The following SMC4 variants were observed in gnomAD, a reference collection of about 807,000 sequenced individuals.
SMC4 encodes the protein structural maintenance of chromosomes protein 4.
In SMC4, 87 loss-of-function variants were observed where a neutral mutation model predicts 145.6. The ratio of observed to expected loss-of-function variants is 0.60; its 90% CI spans 0.50 to 0.71. The LOEUF is 0.71. Ranked by LOEUF, SMC4 falls within the 30% of genes least tolerant of loss-of-function variation. The pLI is 0.00. For synonymous variants in SMC4, 558 were observed against 500.7 expected, an observed-to-expected ratio of 1.11 and a Z score of -1.53; for missense variants, 1,447 against 1,537.1, an observed-to-expected ratio of 0.94 and a Z score of 0.98.
chr3:160,406,500 A>C (rs1358604048), intron 5 of SMC4, among the ~76,000 whole-genome samples: 1 of 152,118 alleles, frequency 6.6e-6, no homozygotes, highest in Non-Finnish European at 1.5e-5. Flanking sequence ...CTTCTCTCCT[A>C]CTGAATAACA....
Position 160,428,941 on chromosome 3 carries a change from A to C in SMC4, c.2794A>C (p.Arg932=). The change falls in exon 18 of 24, where the codon AGA becomes CGA. Residue 932 remains arginine, a splice_region_variant and synonymous_variant. Coordinates refer to ENST00000357388, the MANE Select transcript of SMC4 (RefSeq NM_001002800.3). Reference sequence around the variant, plus strand: ...CCAAGTAGCAATCAAGACTGCTGACAGGTAGAGTATGCATGTTACCCTAAC... The same window carrying C: ...CCAAGTAGCAATCAAGACTGCTGACCGGTAGAGTATGCATGTTACCCTAAC... ...KAQVAIKTAD[R]NLQKAQDSVL... 1.3e-6 allele frequency: 2 copies of C among 1,582,504 alleles called. No individual in the cohort carries two copies. Among genetic ancestry groups the C allele is most frequent in the South Asian group, 1.2e-5 (1 of 85,256 alleles).
intron 2 of SMC4, among the ~76,000 whole-genome samples, 189 bp downstream of exon 2, chr3:160,401,154 CGGCGCTGGAAGGGATGG>C (rs1714585464): frequency 6.6e-6 from 1 of 151,932 alleles, no homozygotes; most frequent in Non-Finnish European, 1.5e-5. Flanking sequence ...TTTGGTGTAA[CGGCGCTGGAAGGGATGG>C]GGGCGAGCAA....
At chr3:160,430,525 G>T in intron 18 of SMC4, 74 bp from the exon 19 acceptor site, 1 of 1,265,962 alleles carries the variant, frequency 7.9e-7, no homozygotes, top group Non-Finnish European at 1.1e-6. Context: ...TTCATGAAAA[G>T]TTCTTTAGTA....
At position 160,419,483 on chromosome 3, in the gene SMC4, C is replaced by T. The variant is rs1351586233; in HGVS notation, c.1797C>T (p.Val599=). The part of the protein sequence containing the change: ...SLAMNRSRGK[V]LDAIIQEKKS... ...CAATGAATCGAAGTAGGGGGAAAGTCCTTGATGCAATAATTCAAGAAAAAA... is the reference window on the plus strand; with the variant it reads ...CAATGAATCGAAGTAGGGGGAAAGTTCTTGATGCAATAATTCAAGAAAAAA... Residue 599 remains valine (V), a synonymous_variant, in exon 12 of 24, where the codon GTC becomes GTT. Coordinates refer to ENST00000357388, the MANE Select transcript of SMC4 (RefSeq NM_001002800.3). 1 of 1,607,540 alleles carries T rather than the reference C, an allele frequency of 6.2e-7. No homozygotes were observed. Among genetic ancestry groups the T allele is most frequent in the Non-Finnish European group, 8.5e-7 (1 of 1,178,500 alleles).
intron 20 of SMC4, among the ~76,000 whole-genome samples, 186 bp from the exon 21 acceptor site, chr3:160,431,457 A>G (rs976119449): frequency 2.6e-5 from 4 of 152,202 alleles, no homozygotes; most frequent in African/African-American, 9.6e-5. Context: ...GACATTTAAG[A>G]AAAGATTACA....
chr3:160,432,553 C>T, intron 22 of SMC4, 38 bp downstream of exon 22: 3 of 1,260,226 alleles, frequency 2.4e-6, no homozygotes, highest in East Asian at 4.9e-5. Flanking sequence ...CCACTGTTAC[C>T]TTTTTCTACA....
Position 160,426,131 on chromosome 3 carries a change from G to GTACTT in SMC4, c.2537_2541dup (p.Ala848TyrfsTer14), listed in dbSNP as rs1193760794. On this transcript the variant is annotated frameshift_variant, in exon 17 of 24. Coordinates refer to ENST00000357388, the MANE Select transcript of SMC4 (RefSeq NM_001002800.3). LOFTEE classifies it high-confidence loss of function. ...CCAAGTTAAGGAACTTGAAGCTAATGTACTTGCTACAGCCCCTGACAAAAA... is the reference window on the plus strand; with the variant it reads ...CCAAGTTAAGGAACTTGAAGCTAATGTACTTTACTTGCTACAGCCCCTGACAAAAA... 6.2e-7 allele frequency: 1 copy of GTACTT among 1,607,874 alleles called. No individual in the cohort carries two copies. The highest frequency in any genetic ancestry group is 1.3e-5 in the African/African-American group (1 of 74,660).
chr3:160,402,769 A>C lies in SMC4; in HGVS notation c.412A>C (p.Arg138=). Residue 138 remains arginine, a synonymous_variant, in exon 4 of 24, where the codon AGA becomes CGA. Transcript: ENST00000357388. ...FVFGYRAQKI[R]SKKLSVLIHN... ...GTTTGGCTATCGAGCACAAAAAATA[A>C]GATCTAAAAAACTCTCAGTATTAAT... 1 of 1,612,514 alleles carries C rather than the reference A, an allele frequency of 6.2e-7. No homozygotes were observed. Among genetic ancestry groups the C allele is most frequent in the Non-Finnish European group, 8.5e-7 (1 of 1,179,698 alleles).
chr3:160,419,631 G>C (rs1166547323), intron 12 of SMC4, 88 bp downstream of exon 12: 1 of 1,172,988 alleles, frequency 8.5e-7, no homozygotes, highest in African/African-American at 1.6e-5. Context: ...CATATTTCAA[G>C]TGTCACTGTA....
chr3:160,427,965 G>A lies in SMC4; in HGVS notation c.2606-788G>A, dbSNP rs188440651. Among the ~76,000 whole-genome samples, 85 of 151,962 alleles carry A rather than the reference G, an allele frequency of 5.6e-4. No individual in the cohort carries two copies. In the East Asian group the frequency reaches 7.2e-3, roughly 13 times the overall value. On this transcript the variant is annotated intron_variant, in intron 17 of 23. Transcript: ENST00000357388. ...CGCACACACACAAACACACACACAC[G>A]CCGGGTGTGGTGGCACATGCTTATA...
chr3:160,428,954 A>T lies in SMC4; in HGVS notation c.2795+12A>T. The T allele has an allele frequency of 6.4e-7, 1 of 1,557,026 alleles. No individual in the cohort carries two copies. The stretch of plus-strand genomic sequence containing the variant: ...AAGACTGCTGACAGGTAGAGTATGC[A>T]TGTTACCCTAACTTGTTTTCCCTTT... On this transcript the variant is annotated intron_variant, in intron 18 of 23. Coordinates refer to ENST00000357388, the MANE Select transcript of SMC4 (RefSeq NM_001002800.3).
intron 13 of SMC4, 65 bp from the exon 14 acceptor site, chr3:160,423,349 GTTTTTTTTTGT>G (rs952468142): frequency 1.1e-5 from 9 of 812,586 alleles, no homozygotes; most frequent in Admixed American, 8.9e-5. Flanking sequence ...ATTCCTATGG[GTTTTTTTTTGT>G]TTTTTTTTTT....
At chr3:160,402,550 G>A in intron 3 of SMC4, 126 bp from the exon 4 acceptor site, 2 of 929,918 alleles carry the variant, frequency 2.2e-6, no homozygotes, top group Non-Finnish European at 3.2e-6. Context: ...GATTAGCAAT[G>A]AGAACTTTTA....
Position 160,402,013 on chromosome 3 carries a change from C to T in SMC4, c.238C>T (p.Pro80Ser). The T allele has an allele frequency of 3.1e-6, 5 of 1,601,518 alleles. No individual in the cohort carries two copies. Among genetic ancestry groups the T allele is most frequent in the African/African-American group, 1.3e-5 (1 of 74,106 alleles). ...AGCAATGACCAATGAAGCTGGAGCTCCTCGGCTTATGATAACTCATATTGT... is the reference window on the plus strand; with the variant it reads ...AGCAATGACCAATGAAGCTGGAGCTTCTCGGCTTATGATAACTCATATTGT... ...PPAMTNEAGA[P>S]RLMITHIVNQ... Residue 80 changes from proline (P) to serine (S), a missense_variant, in exon 3 of 24, where the codon CCT (proline) becomes TCT (serine). By Grantham distance (74) the Pro-to-Ser change is moderately conservative. Transcript: ENST00000357388.
chr3:160,427,741 A>G (rs1314993039), intron 17 of SMC4, among the ~76,000 whole-genome samples: 1 of 152,202 alleles, frequency 6.6e-6, no homozygotes, highest in Admixed American at 6.5e-5. Flanking sequence ...ATATTTTTAA[A>G]TAAAGGCTAC....
At position 160,425,022 on chromosome 3, in the gene SMC4, A is replaced by ATGTGGGTGTG; in HGVS notation, c.2478+7_2478+8insGGTGTGTGTG. ...AAAAATTTACTGCAAGCATCCAGGT[A>ATGTGGGTGTG]TGTGTGTGTGTGTGTGTGTGTGTGT... is the stretch of plus-strand genomic sequence containing the variant. On this transcript the variant is annotated splice_donor_region_variant and intron_variant, in intron 16 of 23. Transcript: ENST00000357388. 6.8e-7 allele frequency: 1 copy of ATGTGGGTGTG among 1,468,122 alleles called. No homozygotes were observed. The highest frequency in any genetic ancestry group is 9.2e-7 in the Non-Finnish European group (1 of 1,090,112). 90.9% of individuals were successfully genotyped at this position (1,468,122 alleles called of 1,614,324 possible). A position where few individuals can be genotyped will look rare whatever the true frequency, so the allele number is the denominator to read the frequency against.
Position 160,420,952 on chromosome 3 carries a change from C to T in SMC4, c.2019+51C>T, listed in dbSNP as rs758100451. 68 of 1,444,420 alleles carry T rather than the reference C, an allele frequency of 4.7e-5. No homozygotes were observed. In the Admixed American group the frequency reaches 6.7e-4, roughly 14 times the overall value. The allele number at this position is 1,444,420 out of a possible 1,614,324, so 89.5% of individuals were successfully genotyped here. Reference sequence around the variant, plus strand: ...TAATTGGAATTTTTTTTTTTTGAGACGTAGTCTCGCTCTGTCACCCAGGCT... The same window carrying T: ...TAATTGGAATTTTTTTTTTTTGAGATGTAGTCTCGCTCTGTCACCCAGGCT... On this transcript the variant is annotated intron_variant, in intron 13 of 23. Coordinates refer to ENST00000357388, the MANE Select transcript of SMC4 (RefSeq NM_001002800.3).
At position 160,400,976 on chromosome 3, in the gene SMC4, C is replaced by A; in HGVS notation, c.139+11C>A. 1 of 1,386,494 alleles carries A rather than the reference C, an allele frequency of 7.2e-7. No individual in the cohort carries two copies. The highest frequency in any genetic ancestry group is 9.2e-7 in the Non-Finnish European group (1 of 1,082,142). The allele number at this position is 1,386,494 out of a possible 1,614,324, so 85.9% of individuals were successfully genotyped here. On this transcript the variant is annotated intron_variant, in intron 2 of 23. Coordinates refer to ENST00000357388, the MANE Select transcript of SMC4 (RefSeq NM_001002800.3). ...CAGCCACCGCCGCAGGTGAGTGACC[C>A]GCCGCGACTCGGCGGGAACGCGCGC...
Position 160,424,929 on chromosome 3 carries a change from G to A in SMC4, c.2388G>A (p.Gln796=). Residue 796 remains glutamine (Q), a synonymous_variant, in exon 16 of 24, where the codon CAG becomes CAA. Coordinates refer to ENST00000357388, the MANE Select transcript of SMC4 (RefSeq NM_001002800.3). ...AAAAAGCAATGCAAATCCAAGAACA[G>A]AAAGTACAACTTGAAGAAAGAGTAG... The part of the protein sequence containing the change: ...DSKKAMQIQE[Q]KVQLEERVVK... The A allele has an allele frequency of 6.2e-7, 1 of 1,613,940 alleles. No individual in the cohort carries two copies. The highest frequency in any genetic ancestry group is 1.3e-5 in the African/African-American group (1 of 74,984).
Sources: gnomAD v4.1 joint callset for allele counts (sites outside exome capture counted in the v4.1 genomes callset) on GRCh38, gnomAD v4.1.1 for gene constraint, MANE v1.5 for transcripts, NCBI Gene and HGNC (gene_info 2026-07-23, HGNC 2026-07-21) for gene names.